The following SHISA9 variants were observed in gnomAD, a reference collection of about 807,000 sequenced individuals.
SHISA9 encodes shisa family member 9.
Under a neutral mutation model 38.0 loss-of-function variants are expected in SHISA9, and 13 were observed. The observed-to-expected ratio is 0.34, with a 90% CI of 0.22 to 0.54. SHISA9 has a LOEUF of 0.54. Ranked by LOEUF, SHISA9 falls within the 20% of genes least tolerant of loss-of-function variation. The pLI is 0.91. For synonymous variants in SHISA9, 275 were observed against 242.0 expected (o/e 1.14, Z -1.27); for missense variants, 538 against 575.8 (o/e 0.93, Z 0.67).
chr16:13,080,345 C>T (rs1387494967), intron 2 of SHISA9, among the ~76,000 whole-genome samples: 1 of 152,154 alleles, frequency 6.6e-6, no homozygotes, highest in African/African-American at 2.4e-5. Flanking sequence ...TGCACTTCAG[C>T]CTGGGCGATA....
the SHISA9 span, among the ~76,000 whole-genome samples, chr16:13,293,145 G>T: frequency 6.6e-6 from 1 of 152,162 alleles, no homozygotes; most frequent in Non-Finnish European, 1.5e-5. Context: ...TGAGTACCCA[G>T]CTGTGGTAGA....
At chr16:13,482,184 G>C in the SHISA9 span, among the ~76,000 whole-genome samples, 1 of 152,240 alleles carries the variant, frequency 6.6e-6, no homozygotes, top group Non-Finnish European at 1.5e-5. Flanking sequence ...TCAGAGAAGA[G>C]GGTAAAATGC....
intron 2 of SHISA9, among the ~76,000 whole-genome samples, chr16:13,097,963 C>G (rs957582904): frequency 6.6e-6 from 1 of 152,158 alleles, no homozygotes; most frequent in Non-Finnish European, 1.5e-5. Flanking sequence ...AGAATACAGT[C>G]AACATTAACT....
chr16:13,421,179 A>G, the SHISA9 span, among the ~76,000 whole-genome samples: 1 of 149,754 alleles, frequency 6.7e-6, no homozygotes, highest in East Asian at 2.0e-4. Context: ...CAGATGTCCT[A>G]GAGACAGTGC....
At chr16:13,443,848 C>T in the SHISA9 span, among the ~76,000 whole-genome samples, 11 of 152,238 alleles carry the variant, frequency 7.2e-5, no homozygotes, top group South Asian at 2.1e-3. Flanking sequence ...TATTTTCTGT[C>T]TCTTATGGGA....
chr16:13,548,813 A>G, the SHISA9 span, among the ~76,000 whole-genome samples: 89 of 152,304 alleles, frequency 5.8e-4, 1 homozygote, highest in South Asian at 0.016. Flanking sequence ...AGGTTTCTCA[A>G]AATATTAAAA....
chr16:13,163,669 T>A (rs2050613649), intron 2 of SHISA9, among the ~76,000 whole-genome samples: 1 of 152,120 alleles, frequency 6.6e-6, no homozygotes, highest in African/African-American at 2.4e-5. Context: ...TTTCTCTCAG[T>A]AAAGTTTTTA....
intron 2 of SHISA9, among the ~76,000 whole-genome samples, chr16:13,156,920 A>G (rs2050552855): frequency 6.6e-6 from 1 of 152,168 alleles, no homozygotes; most frequent in Non-Finnish European, 1.5e-5. Flanking sequence ...TGAAGGCATG[A>G]AAGAAGAAAC....
the SHISA9 span, among the ~76,000 whole-genome samples, chr16:13,354,549 T>G: frequency 6.7e-6 from 1 of 149,924 alleles, no homozygotes; most frequent in South Asian, 2.2e-4. Flanking sequence ...GCATCAGGTA[T>G]GAGAACGAAA....
chr16:13,086,746 G>C (rs2073714755), intron 2 of SHISA9, among the ~76,000 whole-genome samples: 1 of 152,214 alleles, frequency 6.6e-6, no homozygotes, highest in Non-Finnish European at 1.5e-5. Context: ...CCAATGGATG[G>C]AAGCAGGAGA....
At chr16:13,385,472 C>A in the SHISA9 span, among the ~76,000 whole-genome samples, 6,849 of 149,090 alleles carry the variant, frequency 0.046, 320 homozygotes, top group African/African-American at 0.13. Context: ...AGAAAAGGAA[C>A]AAACTGTGGT....
chr16:13,310,540 G>T, the SHISA9 span, among the ~76,000 whole-genome samples: 1 of 152,030 alleles, frequency 6.6e-6, no homozygotes, highest in African/African-American at 2.4e-5. Flanking sequence ...AGTCAATAAG[G>T]TTAGGATGAA....
the SHISA9 span, among the ~76,000 whole-genome samples, chr16:13,508,078 T>C: frequency 6.6e-6 from 1 of 152,192 alleles, no homozygotes; most frequent in South Asian, 2.1e-4. Flanking sequence ...TCTCTTTCTC[T>C]TGGTCTCTAT....
chr16:13,104,733 C>T (rs528719276), intron 2 of SHISA9, among the ~76,000 whole-genome samples: 23 of 152,060 alleles, frequency 1.5e-4, no homozygotes, highest in South Asian at 1.0e-3. Context: ...ATCATGGGGA[C>T]GTTTTGGGGG....
At chr16:13,441,244 G>A in the SHISA9 span, among the ~76,000 whole-genome samples, 1 of 152,220 alleles carries the variant, frequency 6.6e-6, no homozygotes, top group African/African-American at 2.4e-5. Flanking sequence ...CTTCTAAAAT[G>A]AAAATGCTTA....
intron 3 of SHISA9, 107 bp downstream of exon 3, chr16:13,203,656 G>A (rs1230717955): frequency 6.6e-6 from 8 of 1,214,978 alleles, no homozygotes; most frequent in Middle Eastern, 2.0e-4. Flanking sequence ...CCTTTTTCTA[G>A]CTCTCTTTTT....
At chr16:13,400,108 C>A in the SHISA9 span, among the ~76,000 whole-genome samples, 168 of 152,264 alleles carry the variant, frequency 1.1e-3, no homozygotes, top group African/African-American at 3.8e-3. Flanking sequence ...TGTTGGCCCT[C>A]ACGTGAAGCA....
At chr16:13,066,478 G>T (rs551008215) in intron 2 of SHISA9, among the ~76,000 whole-genome samples, 1 of 152,254 alleles carries the variant, frequency 6.6e-6, no homozygotes, top group South Asian at 2.1e-4. Context: ...TGTTGTTGCT[G>T]ATGTTCAAAT....
At chr16:13,557,138 A>G in the SHISA9 span, among the ~76,000 whole-genome samples, 5 of 152,340 alleles carry the variant, frequency 3.3e-5, no homozygotes, top group Admixed American at 2.6e-4. Flanking sequence ...ATAAGTGAAT[A>G]AACAGAATAT....
Sources: allele counts gnomAD v4.1 joint callset (sites outside exome capture counted in the v4.1 genomes callset), GRCh38; gene constraint gnomAD v4.1.1; transcripts MANE v1.5; gene names NCBI Gene and HGNC (gene_info 2026-07-23, HGNC 2026-07-21).